The following ZFPM2 variants were observed in gnomAD, a reference collection of about 807,000 sequenced individuals.
The protein encoded by ZFPM2 is zinc finger protein ZFPM2.
A neutral mutation model predicts 98.6 loss-of-function variants in ZFPM2; 20 were observed. The observed-to-expected ratio is 0.20, with a 90% CI of 0.14 to 0.29. The LOEUF (loss-of-function observed/expected upper bound fraction) is 0.29. Ranked by LOEUF, ZFPM2 falls within the 10% of genes least tolerant of loss-of-function variation. The probability of loss-of-function intolerance (pLI) is 1.00; values close to 1 mark genes in which losing one functional copy is unlikely to be tolerated. For missense variants in ZFPM2, 1,310 were observed against 1,388.6 expected (o/e 0.94, Z 0.90); for synonymous variants, 518 against 502.7 (o/e 1.03, Z -0.41).
chr8:105,705,326 C>T (rs1038032958), intron 5 of ZFPM2, among the ~76,000 whole-genome samples: 9 of 152,010 alleles, frequency 5.9e-5, no homozygotes, highest in African/African-American at 2.2e-4. Context: ...TCAAAAGAAA[C>T]TAAAAACTAC....
chr8:105,341,280 A>G (rs1427262968), intron 1 of ZFPM2, among the ~76,000 whole-genome samples: 1 of 151,954 alleles, frequency 6.6e-6, no homozygotes, highest in African/African-American at 2.4e-5. Flanking sequence ...CATGTCATTT[A>G]TTTATATGAT....
chr8:105,556,571 C>G (rs62527195), intron 3 of ZFPM2, among the ~76,000 whole-genome samples: 4 of 152,046 alleles, frequency 2.6e-5, no homozygotes, highest in Non-Finnish European at 5.9e-5. Flanking sequence ...AATTGTGAAC[C>G]CATTCCAGCG....
chr8:105,803,070 T>C lies in ZFPM2; in HGVS notation c.2988T>C (p.Ser996=). The C allele has an allele frequency of 6.2e-7, 1 of 1,613,878 alleles. No individual in the cohort carries two copies. Among genetic ancestry groups the C allele is most frequent in the Non-Finnish European group, 8.5e-7 (1 of 1,179,840 alleles). The change falls in exon 8 of 8, where the codon TCT becomes TCC. Residue 996 remains serine (S), a synonymous_variant. Transcript: ENST00000407775. ...GIKPSDYISG[S]LVIHNTDIEQ... ...AGCCAAGTGATTATATTTCTGGTTC[T>C]CTTGTCATCCATAACACTGACATCG... is the stretch of plus-strand genomic sequence containing the variant.
At chr8:105,661,769 A>T (rs892612392) in intron 5 of ZFPM2, among the ~76,000 whole-genome samples, 1 of 152,128 alleles carries the variant, frequency 6.6e-6, no homozygotes, top group African/African-American at 2.4e-5. Context: ...AGCTGCAAGG[A>T]ACAGCTTTGA....
intron 5 of ZFPM2, among the ~76,000 whole-genome samples, chr8:105,738,216 A>G (rs191229498): frequency 6.6e-6 from 1 of 151,932 alleles, no homozygotes; most frequent in Non-Finnish European, 1.5e-5. Flanking sequence ...GTTCCCCACT[A>G]TGCATCCATT....
intron 1 of ZFPM2, among the ~76,000 whole-genome samples, chr8:105,354,492 T>C (rs879591053): frequency 1.3e-5 from 2 of 152,256 alleles, no homozygotes; most frequent in Non-Finnish European, 2.9e-5. Context: ...AAGTGCAGTC[T>C]GCTCTGTTTT....
chr8:105,338,163 A>C (rs1812361481), intron 1 of ZFPM2, among the ~76,000 whole-genome samples: 1 of 151,876 alleles, frequency 6.6e-6, no homozygotes, highest in African/African-American at 2.4e-5. Flanking sequence ...TTAGGTTTTA[A>C]TAAATAAAGG....
chr8:105,608,580 G>GTTTT lies in ZFPM2; in HGVS notation c.421-25646_421-25643dup, dbSNP rs397978197. 4.1e-3 allele frequency among the ~76,000 whole-genome samples: 447 copies of GTTTT among 108,694 alleles called. 7 individuals are homozygous for GTTTT. Among genetic ancestry groups the GTTTT allele is most frequent in the African/African-American group, 0.01 (299 of 29,586 alleles). 71.3% of individuals were successfully genotyped at this position (108,694 alleles called of 152,430 possible). A position where few individuals can be genotyped will look rare whatever the true frequency, so the allele number is the denominator to read the frequency against. Reference sequence around the variant, plus strand: ...TTAGAAAGGCTAGAGAACACCAAGAGTTTTTTTTTTTTTTTTTTTTTTTAA... The same window carrying GTTTT: ...TTAGAAAGGCTAGAGAACACCAAGAGTTTTTTTTTTTTTTTTTTTTTTTTTTTAA... On this transcript the variant is annotated intron_variant, in intron 4 of 7. Transcript: ENST00000407775.
chr8:105,574,864 G>A (rs890845737), intron 4 of ZFPM2, among the ~76,000 whole-genome samples: 2 of 150,718 alleles, frequency 1.3e-5, no homozygotes, highest in Non-Finnish European at 2.9e-5. Context: ...TGCATTTAAA[G>A]GTACCCAATT....
At chr8:105,695,378 ATTTTTTTTT>A (rs1165726984) in intron 5 of ZFPM2, among the ~76,000 whole-genome samples, 124 of 74,828 alleles carry the variant, frequency 1.7e-3, no homozygotes, top group Non-Finnish European at 2.4e-3. Flanking sequence ...AATGGTTTGT[ATTTTTTTTT>A]TTTTTTTTTT....
intron 5 of ZFPM2, among the ~76,000 whole-genome samples, chr8:105,778,109 T>C (rs931137010): frequency 2.0e-5 from 3 of 152,204 alleles, no homozygotes; most frequent in African/African-American, 7.2e-5. Flanking sequence ...ACCCATAATT[T>C]ATAAGTTCTA....
intron 3 of ZFPM2, among the ~76,000 whole-genome samples, chr8:105,497,444 A>C (rs1813496581): frequency 6.6e-6 from 1 of 152,236 alleles, no homozygotes; most frequent in Non-Finnish European, 1.5e-5. Flanking sequence ...CAGTTAGCAA[A>C]GGCATTTTTT....
rs1430249181 is a variant in ZFPM2, at chr8:105,325,922, TTAAAA to T, written c.40+6947_40+6951del. Among the ~76,000 whole-genome samples the T allele has an allele frequency of 3.9e-5, 6 of 151,928 alleles. No individual in the cohort carries two copies. The East Asian group carries it at 1.2e-3, about 29-fold the overall frequency. ...TTGGTTTTGGTCAAGATTTCACATG[TTAAAA>T]TAAAAGGCTATTCTTTTTTCTCTTT... On this transcript the variant is annotated intron_variant, in intron 1 of 7. Transcript: ENST00000407775.
chr8:105,348,041 G>A (rs1438148076), intron 1 of ZFPM2, among the ~76,000 whole-genome samples: 1 of 152,130 alleles, frequency 6.6e-6, no homozygotes, highest in Non-Finnish European at 1.5e-5. Context: ...GTGTGTGAGT[G>A]TAATGTTTTA....
chr8:105,569,610 C>G (rs529210970), intron 4 of ZFPM2, among the ~76,000 whole-genome samples: 7 of 152,288 alleles, frequency 4.6e-5, no homozygotes, highest in Non-Finnish European at 8.8e-5. Flanking sequence ...GAAAAGTTGA[C>G]TAATTTCGGT....
chr8:105,759,506 T>G (rs971751955), intron 5 of ZFPM2, among the ~76,000 whole-genome samples: 1 of 152,020 alleles, frequency 6.6e-6, no homozygotes, highest in African/African-American at 2.4e-5. Context: ...ATGATTTTTC[T>G]ACTCCCCTAA....
At chr8:105,347,150 C>A (rs565566774) in intron 1 of ZFPM2, among the ~76,000 whole-genome samples, 5 of 151,664 alleles carry the variant, frequency 3.3e-5, no homozygotes, top group Non-Finnish European at 7.4e-5. Context: ...CCCCCAAAAC[C>A]CTTAGGTGTC....
intron 3 of ZFPM2, among the ~76,000 whole-genome samples, chr8:105,561,142 A>G (rs2099858464): frequency 6.6e-6 from 1 of 152,190 alleles, no homozygotes; most frequent in Non-Finnish European, 1.5e-5. Flanking sequence ...ATGCATGTGA[A>G]AAGGTGAAAG....
intron 5 of ZFPM2, among the ~76,000 whole-genome samples, chr8:105,774,664 C>T (rs1407486971): frequency 1.3e-5 from 2 of 152,122 alleles, no homozygotes; most frequent in African/African-American, 2.4e-5. Context: ...GATAAATATA[C>T]TTAAAACTTA....
Sources: allele counts gnomAD v4.1 joint callset (sites outside exome capture counted in the v4.1 genomes callset), GRCh38; gene constraint gnomAD v4.1.1; transcripts MANE v1.5; gene names NCBI Gene and HGNC (gene_info 2026-07-23, HGNC 2026-07-21).